GSK3B: variants seen among roughly 807,000 people sequenced by gnomAD.
The protein encoded by GSK3B is glycogen synthase kinase 3 beta, also known as glycogen synthase kinase-3 beta.
GSK3B carries 15 observed loss-of-function variants against 56.4 expected under a neutral mutation model. That is an observed-to-expected ratio of 0.27 (90% CI 0.18 to 0.41). GSK3B has a LOEUF of 0.41. GSK3B is among the 10% of genes least tolerant of loss of function. GSK3B has a pLI of 1.00. For synonymous variants in GSK3B, 181 were observed against 188.9 expected, an observed-to-expected ratio of 0.96 and a Z score of 0.34; for missense variants, 300 against 513.4, an observed-to-expected ratio of 0.58 and a Z score of 4.02.
intron 10 of GSK3B, among the ~76,000 whole-genome samples, chr3:119,839,531 A>T (rs1157694944): frequency 6.6e-6 from 1 of 152,164 alleles, no homozygotes; most frequent in East Asian, 1.9e-4. Flanking sequence ...TCTAGACACA[A>T]ATATACTTGA....
intron 10 of GSK3B, among the ~76,000 whole-genome samples, chr3:119,842,373 A>AGTT (rs2055785104): frequency 6.6e-6 from 1 of 152,126 alleles, no homozygotes; most frequent in African/African-American, 2.4e-5. Flanking sequence ...TCAGTTAAAC[A>AGTT]TATTTGCATT....
chr3:120,035,141 C>T (rs1263802118), intron 1 of GSK3B, among the ~76,000 whole-genome samples: 3 of 151,972 alleles, frequency 2.0e-5, no homozygotes. Context: ...GGGCCCTAAT[C>T]CAATATGACT....
intron 1 of GSK3B, among the ~76,000 whole-genome samples, chr3:120,005,213 G>A (rs1239659447): frequency 6.6e-6 from 1 of 151,852 alleles, no homozygotes; most frequent in African/African-American, 2.4e-5. Context: ...AAAGCGAGAA[G>A]ACAAGATTAG....
chr3:119,885,643 C>T (rs544763903), intron 7 of GSK3B, among the ~76,000 whole-genome samples: 11 of 152,110 alleles, frequency 7.2e-5, no homozygotes, highest in African/African-American at 1.9e-4. Flanking sequence ...CATTACCTGA[C>T]GTCAAACTGT....
chr3:119,874,603 A>C (rs1038996164), intron 8 of GSK3B, among the ~76,000 whole-genome samples: 3 of 151,954 alleles, frequency 2.0e-5, no homozygotes, highest in Non-Finnish European at 4.4e-5. Context: ...TTTCAGCTTT[A>C]TATTTGTCAG....
At chr3:120,085,697 G>C (rs943654582) in intron 1 of GSK3B, among the ~76,000 whole-genome samples, 2 of 152,130 alleles carry the variant, frequency 1.3e-5, no homozygotes, top group African/African-American at 4.8e-5. Context: ...AGCTACTCAG[G>C]AGGCTGAGGC....
At chr3:120,049,259 C>A (rs577601902) in intron 1 of GSK3B, among the ~76,000 whole-genome samples, 22 of 152,296 alleles carry the variant, frequency 1.4e-4, no homozygotes, top group African/African-American at 5.1e-4. Context: ...CAAAAGCAAT[C>A]CATTTATTCA....
intron 9 of GSK3B, among the ~76,000 whole-genome samples, chr3:119,848,417 A>G (rs2055884850): frequency 6.7e-6 from 1 of 150,286 alleles, no homozygotes; most frequent in African/African-American, 2.4e-5. Flanking sequence ...AGTTCAAGAA[A>G]AGCTTTTTTT....
At chr3:119,838,117 G>A (rs1019638279) in intron 10 of GSK3B, among the ~76,000 whole-genome samples, 6 of 151,546 alleles carry the variant, frequency 4.0e-5, no homozygotes, top group Admixed American at 6.6e-5. Flanking sequence ...GTGAAACCCC[G>A]TCTGTACTAA....
chr3:120,063,350 C>A (rs1033391151), intron 1 of GSK3B, among the ~76,000 whole-genome samples: 1 of 152,268 alleles, frequency 6.6e-6, no homozygotes, highest in African/African-American at 2.4e-5. Context: ...TTAAGTGCCA[C>A]AAGAAGAACC....
chr3:120,037,007 CAA>C (rs944989106), intron 1 of GSK3B, among the ~76,000 whole-genome samples: 13 of 152,028 alleles, frequency 8.6e-5, no homozygotes, highest in Non-Finnish European at 1.8e-4. Flanking sequence ...TGACAAAACC[CAA>C]AGTCTGTGAT....
chr3:120,084,687 A>G (rs906133177), intron 1 of GSK3B: 1 of 152,208 alleles, frequency 6.6e-6, no homozygotes, highest in African/African-American at 2.4e-5. Flanking sequence ...AAGTTAAAAA[A>G]TTATCCTGTC....
chr3:120,026,870 T>C (rs2057932313), intron 1 of GSK3B, among the ~76,000 whole-genome samples: 1 of 151,808 alleles, frequency 6.6e-6, no homozygotes, highest in Non-Finnish European at 1.5e-5. Context: ...CGTTGGTTTT[T>C]AAATATGAAA....
chr3:119,923,576 T>C lies in GSK3B; in HGVS notation c.367-93A>G, dbSNP rs533418298. On this transcript the variant is annotated intron_variant, in intron 3 of 10. Transcript: ENST00000264235. ...TAGAGTAAATTCTCTAGATATTTACTTATTCGGATTTTTAAAGATTAATGT... is the reference window on the plus strand; with the variant it reads ...TAGAGTAAATTCTCTAGATATTTACCTATTCGGATTTTTAAAGATTAATGT... The C allele has an allele frequency of 2.9e-5, 15 of 525,050 alleles. No homozygotes were observed. In the South Asian group the frequency reaches 5.4e-4, roughly 19 times the overall value. 32.5% of individuals were successfully genotyped at this position (525,050 alleles called of 1,614,324 possible).
intron 4 of GSK3B, among the ~76,000 whole-genome samples, chr3:119,917,347 A>C (rs1266535004): frequency 2.6e-5 from 4 of 152,194 alleles, no homozygotes; most frequent in African/African-American, 9.6e-5. Flanking sequence ...TTTTCTTTAA[A>C]ATGAAGCAAG....
chr3:119,978,698 C>T (rs942304515), intron 2 of GSK3B, among the ~76,000 whole-genome samples: 5 of 152,070 alleles, frequency 3.3e-5, no homozygotes, highest in Admixed American at 1.3e-4. Flanking sequence ...CTCTCTCCCT[C>T]GTGCGGCTGC....
rs1282470320 is a variant in GSK3B, at chr3:119,821,891, G to A, written c.*4897C>T. On this transcript the variant is annotated 3_prime_UTR_variant, in exon 11 of 11. Coordinates refer to ENST00000264235, the MANE Select transcript of GSK3B (RefSeq NM_001146156.2). ...TGGTGATGTGACTACATATTGCAGC[G>A]GCAAAATAGTAGGGTGAAGGAAGAG... 3 of 174,260 alleles carry A rather than the reference G, an allele frequency of 1.7e-5. No individual in the cohort carries two copies. Among genetic ancestry groups the A allele is most frequent in the Admixed American group, 6.3e-5 (1 of 15,776 alleles). 10.8% of individuals were successfully genotyped at this position (174,260 alleles called of 1,614,324 possible).
At chr3:120,000,071 A>C (rs2057661159) in intron 2 of GSK3B, among the ~76,000 whole-genome samples, 1 of 152,226 alleles carries the variant, frequency 6.6e-6, no homozygotes, top group Non-Finnish European at 1.5e-5. Context: ...AAGCCAAATA[A>C]TGACAGGTTC....
intron 1 of GSK3B, among the ~76,000 whole-genome samples, chr3:120,082,109 A>G (rs182723171): frequency 1.6e-3 from 247 of 152,316 alleles, no homozygotes; most frequent in Non-Finnish European, 3.0e-3. Context: ...AAGGGTGGAA[A>G]GAATCACTAC....
Sources: allele counts gnomAD v4.1 joint callset (sites outside exome capture counted in the v4.1 genomes callset), GRCh38; gene constraint gnomAD v4.1.1; transcripts MANE v1.5; gene names NCBI Gene and HGNC (gene_info 2026-07-23, HGNC 2026-07-21).